The following AHDC1 variants were observed in gnomAD, a reference collection of about 807,000 sequenced individuals.
AHDC1 encodes the protein transcription factor Gibbin.
In AHDC1, 7 loss-of-function variants were observed where a neutral mutation model predicts 87.9. The ratio of observed to expected loss-of-function variants is 0.08; its 90% CI spans 0.05 to 0.15. AHDC1 has a LOEUF of 0.15. Ranked by LOEUF, AHDC1 falls within the 10% of genes least tolerant of loss-of-function variation. The pLI is 1.00. For missense variants in AHDC1, 1,841 were observed against 2,253.2 expected (o/e 0.82, Z 3.70); for synonymous variants, 1,051 against 1,006.8 (o/e 1.04, Z -0.83).
At chr1:27,573,011 C>G (rs1231854623) in intron 3 of AHDC1, among the ~76,000 whole-genome samples, 1 of 152,238 alleles carries the variant, frequency 6.6e-6, no homozygotes, top group East Asian at 1.9e-4. Context: ...CCACAGACAA[C>G]AGAGACCTAG....
chr1:27,580,264 G>A (rs1478585360), intron 3 of AHDC1, among the ~76,000 whole-genome samples: 1 of 152,102 alleles, frequency 6.6e-6, no homozygotes, highest in Non-Finnish European at 1.5e-5. Context: ...TTCCCAGCAG[G>A]CTCCAGAGCA....
Position 27,563,456 on chromosome 1 carries a change from CT to C in AHDC1, c.-628-4574del, listed in dbSNP as rs1447979066. Among the ~76,000 whole-genome samples, 1 of 152,244 alleles carries C rather than the reference CT, an allele frequency of 6.6e-6. No homozygotes were observed. The highest frequency in any genetic ancestry group is 1.5e-5 in the Non-Finnish European group (1 of 68,038). ...ATGAGGCAGGGACATAACCTCGCCC[CT>C]GCCTGGGAATCCTCCCTGCAGACTG... is the stretch of plus-strand genomic sequence containing the variant. On this transcript the variant is annotated intron_variant, in intron 3 of 8. Transcript: ENST00000673934. This position sits in a 1 kb window ranked among gnomAD's most constrained non-coding sequence, Gnocchi z 6.1.
intron 3 of AHDC1, among the ~76,000 whole-genome samples, chr1:27,570,047 C>T (rs940448006): frequency 3.9e-5 from 6 of 152,104 alleles, no homozygotes; most frequent in African/African-American, 1.4e-4. Flanking sequence ...CCTTCACCTC[C>T]TGTTAACCCT....
At chr1:27,554,766 C>T (rs1210786039) in intron 5 of AHDC1, among the ~76,000 whole-genome samples, 1 of 152,200 alleles carries the variant, frequency 6.6e-6, no homozygotes, top group Non-Finnish European at 1.5e-5. Flanking sequence ...ATGCTGTCAC[C>T]CCACAGGAAG....
At chr1:27,546,150 G>A (rs2019156286) in intron 8 of AHDC1, among the ~76,000 whole-genome samples, 1 of 152,188 alleles carries the variant, frequency 6.6e-6, no homozygotes, top group Non-Finnish European at 1.5e-5. Flanking sequence ...AAGGGTGAGG[G>A]ACGCAGGCAT....
intron 3 of AHDC1, among the ~76,000 whole-genome samples, chr1:27,599,866 C>T (rs1413571401): frequency 6.6e-6 from 1 of 152,010 alleles, no homozygotes; most frequent in Non-Finnish European, 1.5e-5. Context: ...GAATCTGTCT[C>T]CCCATTCTCC....
chr1:27,585,132 G>A (rs2089014122), intron 3 of AHDC1, among the ~76,000 whole-genome samples: 1 of 151,600 alleles, frequency 6.6e-6, no homozygotes, highest in African/African-American at 2.4e-5. Context: ...GTGTGGTGGT[G>A]CACACCTGTA....
At chr1:27,597,215 T>C (rs2089399337) in intron 3 of AHDC1, among the ~76,000 whole-genome samples, 1 of 152,028 alleles carries the variant, frequency 6.6e-6, no homozygotes, top group Admixed American at 6.5e-5. Flanking sequence ...TAGGAGGGTG[T>C]CCCATGACAG....
chr1:27,550,146 T>G lies in AHDC1; in HGVS notation c.1970A>C (p.His657Pro), dbSNP rs2019454197. Residue 657 changes from histidine (H) to proline (P), a missense_variant, in exon 8 of 9, where the codon CAC (histidine) becomes CCC (proline). By Grantham distance (77) the His-to-Pro change is moderately conservative. This residue lies in a region of AHDC1 where 236 missense variants were observed against 257.9 expected (regional missense o/e 0.92). Coordinates refer to ENST00000673934, the MANE Select transcript of AHDC1 (RefSeq NM_001371928.1). The stretch of plus-strand genomic sequence containing the variant: ...GAAGCCCTGCACACGATGCAGGAAG[T>G]GGGAGATGCTCTGGGTGTCGGGGGC... ...HQAPDTQSISHFLHRVQGFRR... is the reference protein window; with the variant it reads ...HQAPDTQSISPFLHRVQGFRR... The G allele has an allele frequency of 6.2e-7, 1 of 1,610,856 alleles. No individual in the cohort carries two copies. Among genetic ancestry groups the G allele is most frequent in the Non-Finnish European group, 8.5e-7 (1 of 1,179,846 alleles).
intron 3 of AHDC1, among the ~76,000 whole-genome samples, chr1:27,592,059 T>A (rs896177846): frequency 5.3e-5 from 8 of 152,120 alleles, no homozygotes; most frequent in African/African-American, 1.9e-4. Flanking sequence ...GCCGAATTCC[T>A]CGAAGCCCCC....
rs765948350 is a variant in AHDC1 at position 27,550,926 on chromosome 1, C to T, written c.1190G>A (p.Arg397Gln). 50 of 1,598,054 alleles carry T rather than the reference C, an allele frequency of 3.1e-5. No individual in the cohort carries two copies. The highest frequency in any genetic ancestry group is 3.9e-5 in the Non-Finnish European group (46 of 1,177,896). The change falls in exon 8 of 9, where the codon CGG becomes CAG. Residue 397 changes from arginine to glutamine, a missense_variant. By Grantham distance (43) the Arg-to-Gln change is conservative. This residue lies in a region of AHDC1 where 370 missense variants were observed against 391.5 expected (regional missense o/e 0.95). Transcript: ENST00000673934. Reference protein sequence around the residue: ...TDRPKILCRRRKAGRGRKADA... With the variant: ...TDRPKILCRRQKAGRGRKADA... ...TGCCTTGCGTCCCCGTCCGGCTTTC[C>T]GCCGGCGACACAGGATCTTTGGCCT...
At position 27,561,795 on chromosome 1, in the gene AHDC1, CAG is replaced by C. The variant is rs1172125099; in HGVS notation, c.-628-2914_-628-2913del. On this transcript the variant is annotated intron_variant, in intron 3 of 8. Coordinates refer to ENST00000673934, the MANE Select transcript of AHDC1 (RefSeq NM_001371928.1). This position sits in a 1 kb window ranked among gnomAD's most constrained non-coding sequence, Gnocchi z 4.2. The stretch of plus-strand genomic sequence containing the variant: ...AGAGACATGGGGAGAGAAACAGAGA[CAG>C]AGAGACAGAGAAAGACAGAAACTGG... 6.6e-6 allele frequency among the ~76,000 whole-genome samples: 1 copy of C among 151,718 alleles called. No individual in the cohort carries two copies. The highest frequency in any genetic ancestry group is 2.4e-5 in the African/African-American group (1 of 41,258).
chr1:27,555,611 C>T lies in AHDC1; in HGVS notation c.-224-2426G>A, dbSNP rs549559613. On this transcript the variant is annotated intron_variant, in intron 5 of 8. Transcript: ENST00000673934. ...GGACAGTGGGTGACACCCTCACAAA[C>T]GAGAAAAGGGGCTCAGACTCTGGAA... Among the ~76,000 whole-genome samples, 3 of 152,300 alleles carry T rather than the reference C, an allele frequency of 2.0e-5. No homozygotes were observed. In the East Asian group the frequency reaches 5.8e-4, roughly 29 times the overall value.
Position 27,590,090 on chromosome 1 carries a change from C to T in AHDC1, c.-629+13307G>A, listed in dbSNP as rs936331134. The stretch of plus-strand genomic sequence containing the variant: ...TGCCCTGAGATGAGAGCTGGGGGTA[C>T]AGGAAGGACTCTTCGGGCCCCTCCT... On this transcript the variant is annotated intron_variant, in intron 3 of 8. Transcript: ENST00000673934. This position sits in a 1 kb window ranked among gnomAD's most constrained non-coding sequence, Gnocchi z 5.4. Among the ~76,000 whole-genome samples, 3 of 152,198 alleles carry T rather than the reference C, an allele frequency of 2.0e-5. No individual in the cohort carries two copies. The highest frequency in any genetic ancestry group is 1.3e-4 in the Admixed American group (2 of 15,292).
rs557386106 is a variant in AHDC1, at chr1:27,562,715, G to C, written c.-628-3832C>G. Among the ~76,000 whole-genome samples the C allele has an allele frequency of 6.6e-6, 1 of 152,266 alleles. No homozygotes were observed. Among genetic ancestry groups the C allele is most frequent in the Admixed American group, 6.5e-5 (1 of 15,304 alleles). On this transcript the variant is annotated intron_variant, in intron 3 of 8. Transcript: ENST00000673934. The surrounding 1 kb of genome is among the most constrained non-coding windows in gnomAD (Gnocchi z 4.4). ...TCTGGCCAGCCCTTTGGGGCTCTGT[G>C]GTCTGCATGGGAAGGCCCCACCAGC...
At chr1:27,596,208 C>T (rs1302678162) in intron 3 of AHDC1, among the ~76,000 whole-genome samples, 1 of 152,068 alleles carries the variant, frequency 6.6e-6, no homozygotes, top group African/African-American at 2.4e-5. Flanking sequence ...CCATCTGTCT[C>T]AGCCTGTGCC....
intron 5 of AHDC1, among the ~76,000 whole-genome samples, chr1:27,554,291 T>C (rs2019725450): frequency 6.6e-6 from 1 of 152,224 alleles, no homozygotes; most frequent in South Asian, 2.1e-4. Context: ...GGCCTTGTCC[T>C]GGCCCCTGCT....
intron 5 of AHDC1, among the ~76,000 whole-genome samples, chr1:27,556,830 C>T (rs1223208199): frequency 4.6e-5 from 7 of 152,180 alleles, no homozygotes; most frequent in African/African-American, 1.7e-4. Context: ...TAATTTTTGA[C>T]TTCTAATCTA....
At chr1:27,596,842 G>A (rs2089387947) in intron 3 of AHDC1, among the ~76,000 whole-genome samples, 1 of 151,622 alleles carries the variant, frequency 6.6e-6, no homozygotes, top group African/African-American at 2.4e-5. Flanking sequence ...TACCTGACAA[G>A]TCACTCTCAC....
Sources: allele counts gnomAD v4.1 joint callset (sites outside exome capture counted in the v4.1 genomes callset), GRCh38; gene constraint gnomAD v4.1.1; regional missense constraint gnomAD v4.1.1; non-coding constraint Gnocchi (gnomAD v3.1); transcripts MANE v1.5; gene names NCBI Gene and HGNC (gene_info 2026-07-23, HGNC 2026-07-21).